Variants in NPFFR2 observed in about 807,000 individuals in gnomAD.
The protein encoded by NPFFR2 is G-protein coupled receptor 74.
In NPFFR2, 15 loss-of-function variants were observed where a neutral mutation model predicts 13.1. That is an observed-to-expected ratio of 1.15 (90% CI 0.77 to 1.76). The LOEUF (loss-of-function observed/expected upper bound fraction) is 1.76. NPFFR2 is among the 40% of genes most tolerant of loss of function. The probability of loss-of-function intolerance (pLI) is 0.00; values close to 1 mark genes in which losing one functional copy is unlikely to be tolerated. For synonymous variants in NPFFR2, 190 were observed against 175.7 expected (o/e 1.08, Z -0.65); for missense variants, 572 against 503.5 (o/e 1.14, Z -1.30).
At chr4:72,120,859 C>A (rs1721851353) in intron 1 of NPFFR2, among the ~76,000 whole-genome samples, 1 of 152,132 alleles carries the variant, frequency 6.6e-6, no homozygotes, top group Admixed American at 6.5e-5. Flanking sequence ...AGGACCACAA[C>A]TCCTTGCCAG....
At chr4:72,050,491 A>C (rs1387215046) in intron 1 of NPFFR2, among the ~76,000 whole-genome samples, 1 of 152,002 alleles carries the variant, frequency 6.6e-6, no homozygotes, top group African/African-American at 2.4e-5. Flanking sequence ...TAAGAATGAC[A>C]AAACAGACTC....
intron 1 of NPFFR2, among the ~76,000 whole-genome samples, chr4:72,094,838 C>G (rs930649242): frequency 6.6e-6 from 1 of 152,186 alleles, no homozygotes; most frequent in Non-Finnish European, 1.5e-5. Flanking sequence ...AAGTTCTCAG[C>G]TTTCCTGGTA....
intron 1 of NPFFR2, among the ~76,000 whole-genome samples, chr4:72,058,643 T>C (rs1442958668): frequency 6.6e-6 from 1 of 152,070 alleles, no homozygotes; most frequent in Non-Finnish European, 1.5e-5. Flanking sequence ...CTGGATTGTT[T>C]ATAATTTAAT....
intron 2 of NPFFR2, among the ~76,000 whole-genome samples, chr4:72,136,102 T>G (rs1471383178): frequency 6.6e-6 from 1 of 152,182 alleles, no homozygotes. Flanking sequence ...ATGCCTGTAA[T>G]TTCAACACTT....
chr4:72,074,005 CAT>C (rs1720346126), intron 1 of NPFFR2, among the ~76,000 whole-genome samples: 1 of 5,400 alleles, frequency 1.9e-4, no homozygotes, highest in Non-Finnish European at 1.0e-3. Context: ...TTTCACTTTC[CAT>C]GGGTTTCACT....
intron 1 of NPFFR2, among the ~76,000 whole-genome samples, chr4:72,075,798 A>C (rs1238907605): frequency 1.3e-5 from 2 of 152,108 alleles, no homozygotes; most frequent in Non-Finnish European, 2.9e-5. Context: ...TTGTTTAATG[A>C]ATATAGAATT....
At chr4:72,094,393 G>A (rs13150552) in intron 1 of NPFFR2, among the ~76,000 whole-genome samples, 4,825 of 152,260 alleles carry the variant, frequency 0.032, 117 homozygotes, top group Admixed American at 0.052. Flanking sequence ...AGGATCAGGC[G>A]GTGTGTGGGG....
chr4:72,129,999 G>A (rs1427974816), intron 2 of NPFFR2, among the ~76,000 whole-genome samples: 8 of 138,786 alleles, frequency 5.8e-5, no homozygotes, highest in Non-Finnish European at 1.1e-4. Context: ...ATCCTGCACC[G>A]CCCTTAATCC....
chr4:72,065,291 GTC>G (rs1413187529), intron 1 of NPFFR2, among the ~76,000 whole-genome samples: 1 of 151,956 alleles, frequency 6.6e-6, no homozygotes, highest in African/African-American at 2.4e-5. Context: ...AAAGAATCAG[GTC>G]TCTGAAAAAA....
chr4:72,049,702 A>G (rs1719484456), intron 1 of NPFFR2, among the ~76,000 whole-genome samples: 1 of 151,284 alleles, frequency 6.6e-6, no homozygotes, highest in Non-Finnish European at 1.5e-5. Flanking sequence ...AAAATTCCAA[A>G]TATCTATTGA....
chr4:72,065,561 A>G (rs923171260), intron 1 of NPFFR2, among the ~76,000 whole-genome samples: 1 of 152,208 alleles, frequency 6.6e-6, no homozygotes, highest in Non-Finnish European at 1.5e-5. Flanking sequence ...AATTTATCCT[A>G]TTGTAAATTA....
At chr4:72,042,308 C>A (rs1719243694) in intron 1 of NPFFR2, among the ~76,000 whole-genome samples, 1 of 152,170 alleles carries the variant, frequency 6.6e-6, no homozygotes, top group African/African-American at 2.4e-5. Context: ...AACTGTGAGT[C>A]AATTAAACCT....
At chr4:72,037,273 C>G (rs189013794) in intron 1 of NPFFR2, among the ~76,000 whole-genome samples, 2 of 151,570 alleles carry the variant, frequency 1.3e-5, no homozygotes, top group East Asian at 3.9e-4. Context: ...TGGTACATAC[C>G]TGTAGTTCTA....
intron 1 of NPFFR2, among the ~76,000 whole-genome samples, chr4:72,051,374 C>T (rs992761227): frequency 9.9e-5 from 15 of 152,200 alleles, no homozygotes; most frequent in African/African-American, 2.4e-4. Context: ...GGAAACTGAA[C>T]GACCTGCTCC....
chr4:72,134,412 A>G (rs1722346733), intron 2 of NPFFR2, among the ~76,000 whole-genome samples: 1 of 152,128 alleles, frequency 6.6e-6, no homozygotes, highest in Non-Finnish European at 1.5e-5. Context: ...AAACTCTCAT[A>G]GATGTAAATT....
At chr4:72,064,513 C>A (rs1244509617) in intron 1 of NPFFR2, among the ~76,000 whole-genome samples, 2 of 152,192 alleles carry the variant, frequency 1.3e-5, no homozygotes, top group Admixed American at 1.3e-4. Context: ...GACGTGACTT[C>A]TGTCACTTTT....
chr4:72,056,846 C>T (rs1186553998), intron 1 of NPFFR2, among the ~76,000 whole-genome samples: 1 of 151,914 alleles, frequency 6.6e-6, no homozygotes, highest in East Asian at 1.9e-4. Context: ...GAAGTGGAAC[C>T]TGAAGATGTG....
At chr4:72,114,944 G>GT in intron 1 of NPFFR2, among the ~76,000 whole-genome samples, 1 of 152,012 alleles carries the variant, frequency 6.6e-6, no homozygotes, top group Non-Finnish European at 1.5e-5. Context: ...CCTAAAAATG[G>GT]GAACAGTGAT....
chr4:72,128,638 T>A lies in NPFFR2; in HGVS notation c.47T>A (p.Ile16Asn). 2 of 1,613,014 alleles carry A rather than the reference T, an allele frequency of 1.2e-6. No individual in the cohort carries two copies. Among genetic ancestry groups the A allele is most frequent in the Admixed American group, 1.7e-5 (1 of 60,006 alleles). Residue 16 changes from isoleucine (I) to asparagine (N), a missense_variant, in exon 2 of 4, where the codon ATC becomes AAC. Physicochemically the swap from Ile to Asn is moderately radical, Grantham distance 149. Transcript: ENST00000308744. Reference sequence around the variant, plus strand: ...AACTCTTCAGAAAACTGGCATCCCATCTGGAATGTCAATGACACAAAGCAT... The same window carrying A: ...AACTCTTCAGAAAACTGGCATCCCAACTGGAATGTCAATGACACAAAGCAT... ...DTNSSENWHP[I>N]WNVNDTKHHL...
Sources: gnomAD v4.1 joint callset for allele counts (sites outside exome capture counted in the v4.1 genomes callset) on GRCh38, gnomAD v4.1.1 for gene constraint, MANE v1.5 for transcripts, NCBI Gene and HGNC (gene_info 2026-07-23, HGNC 2026-07-21) for gene names.